CGN: variants seen among roughly 807,000 people sequenced by gnomAD.
The protein encoded by CGN is cingulin.
Under a neutral mutation model 157.1 loss-of-function variants are expected in CGN, and 121 were observed. That is an observed-to-expected ratio of 0.77 (90% confidence interval 0.66 to 0.90). The LOEUF is 0.90. CGN is among the 40% of genes least tolerant of loss of function. CGN has a pLI of 0.00. For synonymous variants in CGN, 535 were observed against 607.5 expected (o/e 0.88, Z 1.76); for missense variants, 1,424 against 1,520.9 (o/e 0.94, Z 1.06).
At chr1:151,526,500 G>T (rs1399109972) in intron 9 of CGN, among the ~76,000 whole-genome samples, 1 of 150,760 alleles carries the variant, frequency 6.6e-6, no homozygotes, top group East Asian at 2.0e-4. Context: ...TTGAGACAGG[G>T]TCTTGCTCTG....
At chr1:151,535,571 A>T (rs1664949752) in intron 16 of CGN, 29 bp from the exon 17 acceptor site, 2 of 1,579,542 alleles carry the variant, frequency 1.3e-6, no homozygotes, top group Admixed American at 1.7e-5. Context: ...GCCCTCCCCA[A>T]GTCTGGTCCT....
At chr1:151,525,126 G>A (rs1182035004) in intron 8 of CGN, among the ~76,000 whole-genome samples, 2 of 152,198 alleles carry the variant, frequency 1.3e-5, no homozygotes, top group African/African-American at 4.8e-5. Flanking sequence ...ACTGGGTGCG[G>A]TAGCTCATGC....
At chr1:151,534,783 T>C (rs982588487) in intron 15 of CGN, 2 of 446,804 alleles carry the variant, frequency 4.5e-6, no homozygotes, top group African/African-American at 3.9e-5. Context: ...GGTTTTCCAA[T>C]GAAGAGTAGA....
chr1:151,524,622 C>T lies in CGN; in HGVS notation c.1402-52C>T. 1 of 1,470,214 alleles carries T rather than the reference C, an allele frequency of 6.8e-7. No individual in the cohort carries two copies. The highest frequency in any genetic ancestry group is 1.4e-5 in the African/African-American group (1 of 70,856). The allele number at this position is 1,470,214 out of a possible 1,614,324, so 91.1% of individuals were successfully genotyped here. A position where few individuals can be genotyped will look rare whatever the true frequency, so the allele number is the denominator to read the frequency against. ...TTTTTTGACTCAGTGAATTGATAAA[C>T]AGATGGATTCTAATATGGTCACCCC... On this transcript the variant is annotated intron_variant, in intron 7 of 20. Coordinates refer to ENST00000271636, the MANE Select transcript of CGN (RefSeq NM_020770.3). The surrounding 1 kb of genome is among the most constrained non-coding windows in gnomAD (Gnocchi z 4.4).
chr1:151,524,982 T>C lies in CGN; in HGVS notation c.1614+96T>C. On this transcript the variant is annotated intron_variant, in intron 8 of 20. Coordinates refer to ENST00000271636, the MANE Select transcript of CGN (RefSeq NM_020770.3). This position sits in a 1 kb window ranked among gnomAD's most constrained non-coding sequence, Gnocchi z 4.4. ...CTTTTGGACTTTTCATGGTTGCAAC[T>C]GGGAACTCCCCCTCTCCTCCTAAAG... The C allele has an allele frequency of 1.0e-6, 1 of 969,564 alleles. No individual in the cohort carries two copies. The highest frequency in any genetic ancestry group is 1.6e-6 in the Non-Finnish European group (1 of 639,334). 60.1% of individuals were successfully genotyped at this position (969,564 alleles called of 1,614,324 possible). A position where few individuals can be genotyped will look rare whatever the true frequency, so the allele number is the denominator to read the frequency against.
chr1:151,529,402 G>A lies in CGN; in HGVS notation c.1949G>A (p.Ser650Asn), dbSNP rs754601987. The change falls in exon 11 of 21, where the codon AGC becomes AAC. Residue 650 changes from serine (S) to asparagine (N), a missense_variant. Around this residue, in one of 3 missense-constraint regions of CGN, gnomAD observed 1,187 missense variants for 1,217.6 expected, o/e 0.97. Transcript: ENST00000271636. ...AAGGAACTGCAGGCAGAACGGCAGA[G>A]CCAGGAGGTGGCTGGGCGACACCGG... ...ELKELQAERQ[S>N]QEVAGRHRDR... is the part of the protein sequence containing the mutation. 4 of 1,613,798 alleles carry A rather than the reference G, an allele frequency of 2.5e-6. No individual in the cohort carries two copies. The highest frequency in any genetic ancestry group is 2.5e-6 in the Non-Finnish European group (3 of 1,179,866).
chr1:151,525,820 C>T, intron 9 of CGN, 30 bp downstream of exon 9: 1 of 1,426,314 alleles, frequency 7.0e-7, no homozygotes, highest in East Asian at 2.7e-5. Context: ...CAGAAATACC[C>T]ATGATTCATA....
At chr1:151,535,346 G>A (rs1664945294) in intron 16 of CGN, among the ~76,000 whole-genome samples, 4 of 152,182 alleles carry the variant, frequency 2.6e-5, no homozygotes, top group Admixed American at 2.0e-4. Flanking sequence ...GATCCTGGTG[G>A]CCTGGGCTGT....
rs751755793 is a variant in CGN, at chr1:151,529,909, G to C, written c.2107G>C (p.Ala703Pro). 1 of 1,613,396 alleles carries C rather than the reference G, an allele frequency of 6.2e-7. No individual in the cohort carries two copies. The highest frequency in any genetic ancestry group is 1.1e-5 in the South Asian group (1 of 91,034). Reference protein sequence around the residue: ...LRQDCEEASKAKMVAEAEATV... With the variant: ...LRQDCEEASKPKMVAEAEATV... ...CTGCCACCCCCTGAACCGTCCTTAG[G>C]CTAAGATGGTGGCCGAGGCAGAGGC... The change falls in exon 12 of 21, where the codon GCT becomes CCT. Residue 703 changes from alanine (A) to proline (P), a missense_variant and splice_region_variant. Ala to Pro is a conservative substitution (Grantham distance 27, BLOSUM62 -1). This residue lies in a region of CGN where 1,187 missense variants were observed against 1,217.6 expected (regional missense o/e 0.97). Transcript: ENST00000271636.
intron 14 of CGN, 40 bp downstream of exon 14, chr1:151,532,612 CTTTTTTT>C (rs34388063): frequency 6.3e-4 from 340 of 536,902 alleles, no homozygotes; most frequent in East Asian, 1.6e-3. Context: ...GTCCTTGCCT[CTTTTTTT>C]TTTTTTTTTT....
Position 151,530,008 on chromosome 1 carries a change from C to T in CGN, c.2206C>T (p.Arg736Cys), listed in dbSNP as rs760131604. Residue 736 changes from arginine (R) to cysteine (C), a missense_variant, in exon 12 of 21, where the codon CGC becomes TGC. Transcript: ENST00000271636. ...GACCCAGGAGGAAAATGACGAATTC[C>T]GCCGGCGCATCCTGGGTTTGGAGCA... is the stretch of plus-strand genomic sequence containing the variant. ...RETQEENDEF[R>C]RRILGLEQQL... The T allele has an allele frequency of 1.7e-5, 27 of 1,614,030 alleles. No homozygotes were observed. The highest frequency in any genetic ancestry group is 1.6e-4 in the Middle Eastern group (1 of 6,084).
chr1:151,532,470 G>A lies in CGN; in HGVS notation c.2640G>A (p.Lys880=). The A allele has an allele frequency of 6.2e-7, 1 of 1,609,172 alleles. No individual in the cohort carries two copies. The highest frequency in any genetic ancestry group is 8.5e-7 in the Non-Finnish European group (1 of 1,178,588). The change falls in exon 14 of 21, where the codon AAG becomes AAA. Residue 880 remains lysine, a synonymous_variant. Transcript: ENST00000271636. ...TCCAGGCCCAGCTGGAGGATTATAA[G>A]GAAAAGGCCCGGCGGGAGGTGGCAG... ...QQLQAQLEDY[K]EKARREVADA... is the part of the protein sequence containing the mutation.
In CGN at chr1:151,523,531, G is replaced by A; in HGVS notation, c.1238G>A (p.Arg413Lys). ...CSRLQELLER[R>K]KGEAQQSNKE... ...CGACTGCAGGAGCTGCTGGAGAGGA[G>A]GAAGGGGGAGGCCCAGCAGAGCAAC... The change falls in exon 6 of 21, where the codon AGG (arginine) becomes AAG (lysine). Residue 413 changes from arginine (R) to lysine (K), a missense_variant. By Grantham distance (26) the Arg-to-Lys change is conservative. Transcript: ENST00000271636. 6.2e-7 allele frequency: 1 copy of A among 1,612,204 alleles called. No homozygotes were observed. Among genetic ancestry groups the A allele is most frequent in the Non-Finnish European group, 8.5e-7 (1 of 1,179,240 alleles).
intron 10 of CGN, among the ~76,000 whole-genome samples, chr1:151,527,640 T>C (rs1056945514): frequency 6.6e-6 from 1 of 152,140 alleles, no homozygotes; most frequent in Non-Finnish European, 1.5e-5. Context: ...TGGTATTACA[T>C]TGAAGATTCA....
At position 151,529,448 on chromosome 1, in the gene CGN, GCTGGCGGTC is replaced by G. The variant is rs751289860; in HGVS notation, c.1999_2007del (p.Ala667_Leu669del). On this transcript the variant is annotated inframe_deletion, in exon 11 of 21. Transcript: ENST00000271636. The stretch of plus-strand genomic sequence containing the variant: ...ACCGGGACCGGGAGTTGGAGAAGCA[GCTGGCGGTC>G]CTGAGGGTCGAGGCTGATCGAGGTC... 5.0e-6 allele frequency: 8 copies of G among 1,613,842 alleles called. No homozygotes were observed. The Admixed American group carries it at 1.3e-4, about 27-fold the overall frequency.
chr1:151,529,048 T>C (rs966443351), intron 10 of CGN, among the ~76,000 whole-genome samples: 9 of 152,182 alleles, frequency 5.9e-5, no homozygotes, highest in African/African-American at 2.2e-4. Context: ...CAGTCATCAA[T>C]TCGTGGACAT....
chr1:151,536,563 A>C (rs1209470995), intron 19 of CGN, among the ~76,000 whole-genome samples, 167 bp from the exon 20 acceptor site: 1 of 152,216 alleles, frequency 6.6e-6, no homozygotes, highest in Non-Finnish European at 1.5e-5. Flanking sequence ...AGTATTACAC[A>C]TGTGTTAATA....
chr1:151,535,568 C>G (rs747538924), intron 16 of CGN, 32 bp from the exon 17 acceptor site: 11 of 1,568,990 alleles, frequency 7.0e-6, no homozygotes, highest in Non-Finnish European at 7.9e-6. Flanking sequence ...TTAGCCCTCC[C>G]CAAGTCTGGT....
chr1:151,511,977 G>T lies in CGN; in HGVS notation c.-15+462G>T, dbSNP rs1571651521. 6.6e-6 allele frequency among the ~76,000 whole-genome samples: 1 copy of T among 152,122 alleles called. No homozygotes were observed. Among genetic ancestry groups the T allele is most frequent in the Non-Finnish European group, 1.5e-5 (1 of 68,024 alleles). Reference sequence around the variant, plus strand: ...TTTCCTGCGTCCTGCGGTCTCAGCTGGCCGTTGTCAGCACCCTGGTGGCTT... The same window carrying T: ...TTTCCTGCGTCCTGCGGTCTCAGCTTGCCGTTGTCAGCACCCTGGTGGCTT... On this transcript the variant is annotated intron_variant, in intron 1 of 20. Transcript: ENST00000271636. The surrounding 1 kb of genome is among the most constrained non-coding windows in gnomAD (Gnocchi z 4.8).
Sources: gnomAD v4.1 joint callset for allele counts (sites outside exome capture counted in the v4.1 genomes callset) on GRCh38, gnomAD v4.1.1 for gene constraint, gnomAD v4.1.1 regional missense constraint, Gnocchi (gnomAD v3.1) non-coding constraint, MANE v1.5 for transcripts, NCBI Gene and HGNC (gene_info 2026-07-23, HGNC 2026-07-21) for gene names.